The following VAV2 variants were observed in gnomAD, a reference collection of about 807,000 sequenced individuals.
VAV2 encodes the protein guanine nucleotide exchange factor VAV2.
Under a neutral mutation model 132.5 loss-of-function variants are expected in VAV2, and 67 were observed. That is an observed-to-expected ratio of 0.51 (90% confidence interval 0.42 to 0.62). The LOEUF is 0.62. Ranked by LOEUF, VAV2 falls within the 20% of genes least tolerant of loss-of-function variation. The pLI, the probability that VAV2 is intolerant of heterozygous loss-of-function variation, is 0.00. For missense variants in VAV2, 938 were observed against 1,153.6 expected, an observed-to-expected ratio of 0.81 and a Z score of 2.71; for synonymous variants, 492 against 443.5, an observed-to-expected ratio of 1.11 and a Z score of -1.37.
chr9:133,982,924 G>A (rs1332539028), intron 1 of VAV2, among the ~76,000 whole-genome samples: 3 of 152,172 alleles, frequency 2.0e-5, no homozygotes, highest in Non-Finnish European at 2.9e-5. Flanking sequence ...TGCTGCAAGG[G>A]GAGAGTTGCG....
chr9:133,825,588 G>T (rs1159455152), intron 4 of VAV2, among the ~76,000 whole-genome samples: 1 of 152,176 alleles, frequency 6.6e-6, no homozygotes, highest in Non-Finnish European at 1.5e-5. Flanking sequence ...CCTCCACAAC[G>T]CGGACCTCCC....
intron 2 of VAV2, among the ~76,000 whole-genome samples, chr9:133,914,799 A>AGGG (rs1443679669): frequency 3.2e-3 from 3 of 944 alleles, no homozygotes; most frequent in African/African-American, 0.015. Flanking sequence ...GGAGGAGGAG[A>AGGG]GGGGAAGGGA....
In VAV2 at chr9:133,918,383, G is replaced by A. The variant is rs7040162; in HGVS notation, c.321+20720C>T. 0.15 allele frequency among the ~76,000 whole-genome samples: 23,037 copies of A among 151,728 alleles called. 4,218 individuals are homozygous for A. The highest frequency in any genetic ancestry group is 0.44 in the African/African-American group (18,114 of 41,226). On this transcript the variant is annotated intron_variant, in intron 2 of 29. Transcript: ENST00000371850. The surrounding 1 kb of genome is among the most constrained non-coding windows in gnomAD (Gnocchi z 4.7). ...ATCTGCTGGTCCGGACCCAGGCCCAGCTGCTAGCCCGGGCTACCACCACCA... is the reference window on the plus strand; with the variant it reads ...ATCTGCTGGTCCGGACCCAGGCCCAACTGCTAGCCCGGGCTACCACCACCA...
intron 20 of VAV2, 137 bp from the exon 21 acceptor site, chr9:133,780,076 G>C: frequency 8.3e-7 from 1 of 1,204,470 alleles, no homozygotes; most frequent in Middle Eastern, 1.9e-4. Flanking sequence ...GGGAGGAGAG[G>C]GACACTGTTC....
At position 133,764,064 on chromosome 9, in the gene VAV2, A is replaced by C. The variant is rs1564321774; in HGVS notation, c.2635T>G (p.Ter879GlyextTer19). Residue 879 changes from the stop codon to glycine (G), a stop_lost, in exon 30 of 30, where the codon TGA becomes GGA. Coordinates refer to ENST00000371850, the MANE Select transcript of VAV2 (RefSeq NM_001134398.2). ...STYVEEEGIQ[*>G] ...GAGTCTTGTCCACGTTCCTGCCGTC[A>C]CTGGATGCCCTCCTCTTCTACGTAC... The C allele has an allele frequency of 6.2e-7, 1 of 1,614,044 alleles. No homozygotes were observed. The highest frequency in any genetic ancestry group is 2.2e-5 in the East Asian group (1 of 44,870).
In VAV2 at chr9:133,833,253, C is replaced by G. The variant is rs1686878880; in HGVS notation, c.449+1019G>C. On this transcript the variant is annotated intron_variant, in intron 4 of 29. Coordinates refer to ENST00000371850, the MANE Select transcript of VAV2 (RefSeq NM_001134398.2). This position sits in a 1 kb window ranked among gnomAD's most constrained non-coding sequence, Gnocchi z 5.6. ...AAAGTATTTTCCTGGGCCCTGCAAGCTAAAGGCAGCCCTGGATGTGGGCTG... is the reference window on the plus strand; with the variant it reads ...AAAGTATTTTCCTGGGCCCTGCAAGGTAAAGGCAGCCCTGGATGTGGGCTG... Among the ~76,000 whole-genome samples, 1 of 152,130 alleles carries G rather than the reference C, an allele frequency of 6.6e-6. No individual in the cohort carries two copies. The highest frequency in any genetic ancestry group is 2.1e-4 in the South Asian group (1 of 4,828).
intron 4 of VAV2, among the ~76,000 whole-genome samples, chr9:133,819,505 A>T (rs559103274): frequency 6.6e-6 from 1 of 152,278 alleles, no homozygotes; most frequent in Admixed American, 6.5e-5. Flanking sequence ...GTGTTTGGGA[A>T]TCTGTCTCTG....
In VAV2 at chr9:133,884,945, C is replaced by T. The variant is rs1168809063; in HGVS notation, c.322-23513G>A. ...CCCCACTTCCAGCCTGATGAACCCA[C>T]CTGAGCCAGCCACAGTGACAGGTGG... On this transcript the variant is annotated intron_variant, in intron 2 of 29. Coordinates refer to ENST00000371850, the MANE Select transcript of VAV2 (RefSeq NM_001134398.2). This position sits in a 1 kb window ranked among gnomAD's most constrained non-coding sequence, Gnocchi z 5.3. Among the ~76,000 whole-genome samples the T allele has an allele frequency of 6.6e-6, 1 of 152,170 alleles. No homozygotes were observed. Among genetic ancestry groups the T allele is most frequent in the Non-Finnish European group, 1.5e-5 (1 of 68,034 alleles).
intron 18 of VAV2, among the ~76,000 whole-genome samples, 163 bp downstream of exon 18, chr9:133,784,154 T>G (rs1834124871): frequency 2.6e-5 from 4 of 152,140 alleles, no homozygotes; most frequent in African/African-American, 4.8e-5. Flanking sequence ...TGCTGAGACT[T>G]GAGCCACCAT....
intron 2 of VAV2, among the ~76,000 whole-genome samples, chr9:133,906,804 G>A (rs1454007308): frequency 6.6e-6 from 1 of 152,204 alleles, no homozygotes; most frequent in Non-Finnish European, 1.5e-5. Context: ...CAGGCTCTGG[G>A]TCCTCAGCCC....
chr9:133,851,372 T>C (rs1469131111), intron 3 of VAV2, among the ~76,000 whole-genome samples: 1 of 152,172 alleles, frequency 6.6e-6, no homozygotes, highest in Admixed American at 6.5e-5. Flanking sequence ...CTGAGAACTT[T>C]ACAGACATCA....
chr9:133,985,270 GTGTGT>G (rs1842823415), intron 1 of VAV2, among the ~76,000 whole-genome samples: 1 of 113,362 alleles, frequency 8.8e-6, no homozygotes, highest in African/African-American at 3.4e-5. Flanking sequence ...GTGTGTGTGT[GTGTGT>G]TTTGTTTTTG....
At chr9:133,843,450 T>TC (rs1836806017) in intron 3 of VAV2, among the ~76,000 whole-genome samples, 1 of 152,142 alleles carries the variant, frequency 6.6e-6, no homozygotes. Context: ...CACGCGATCC[T>TC]CCCACCTTGG....
At chr9:133,974,766 C>T (rs678744) in intron 1 of VAV2, among the ~76,000 whole-genome samples, 20,256 of 57,840 alleles carry the variant, frequency 0.35, 1,408 homozygotes, top group Non-Finnish European at 0.38. Flanking sequence ...AGATAGGTCA[C>T]GCCCTGCACC....
At chr9:133,785,979 C>A in intron 16 of VAV2, 94 bp from the exon 17 acceptor site, 1 of 1,132,112 alleles carries the variant, frequency 8.8e-7, no homozygotes, top group East Asian at 2.5e-5. Flanking sequence ...AGCATGTGCA[C>A]GTGTGTATAT....
chr9:133,777,769 C>T (rs1833867954), intron 22 of VAV2, among the ~76,000 whole-genome samples: 1 of 152,210 alleles, frequency 6.6e-6, no homozygotes, highest in South Asian at 2.1e-4. Context: ...CTCTGCACAG[C>T]TCAGATGGCC....
intron 3 of VAV2, among the ~76,000 whole-genome samples, chr9:133,854,047 TACAC>T (rs771999034): frequency 2.0e-5 from 3 of 151,592 alleles, no homozygotes; most frequent in Non-Finnish European, 2.9e-5. Context: ...CATCTGCACA[TACAC>T]ACACACTCCA....
intron 2 of VAV2, among the ~76,000 whole-genome samples, chr9:133,861,750 A>G (rs897784974): frequency 6.6e-6 from 1 of 152,170 alleles, no homozygotes; most frequent in Non-Finnish European, 1.5e-5. Context: ...GGCTTCACCG[A>G]GGCCACCTTT....
intron 1 of VAV2, among the ~76,000 whole-genome samples, chr9:133,981,534 G>A (rs946547855): frequency 1.3e-5 from 2 of 152,242 alleles, no homozygotes; most frequent in African/African-American, 4.8e-5. Context: ...CGGGCTCGGG[G>A]TGAGGGTGCC....
Sources: allele counts gnomAD v4.1 joint callset (sites outside exome capture counted in the v4.1 genomes callset), GRCh38; gene constraint gnomAD v4.1.1; non-coding constraint Gnocchi (gnomAD v3.1); transcripts MANE v1.5; gene names NCBI Gene and HGNC (gene_info 2026-07-23, HGNC 2026-07-21).